UQCC2: variants seen among roughly 807,000 people sequenced by gnomAD.
UQCC2 encodes ubiquinol-cytochrome c reductase complex assembly factor 2, also known as breast cancer-associated protein SGA-81M.
Under a neutral mutation model 19.9 loss-of-function variants are expected in UQCC2, and 21 were observed. The observed-to-expected ratio is 1.05, with a 90% CI of 0.75 to 1.52. UQCC2 has a LOEUF of 1.52. Among genes scored for constraint, UQCC2 ranks in the 40% most tolerant of loss-of-function variants. The pLI is 0.00. For synonymous variants in UQCC2, 57 were observed against 60.9 expected, an observed-to-expected ratio of 0.94 and a Z score of 0.30; for missense variants, 135 against 157.5, an observed-to-expected ratio of 0.86 and a Z score of 0.76.
intron 3 of UQCC2, among the ~76,000 whole-genome samples, chr6:33,699,543 T>TA (rs565478908): frequency 1.8e-3 from 270 of 152,138 alleles, no homozygotes; most frequent in Non-Finnish European, 2.6e-3. Context: ...ATTTACACAT[T>TA]AAAAAAAATT....
At chr6:33,705,357 GAA>G (rs1765688312) in intron 1 of UQCC2, among the ~76,000 whole-genome samples, 1 of 152,154 alleles carries the variant, frequency 6.6e-6, no homozygotes, top group Non-Finnish European at 1.5e-5. Flanking sequence ...CTTCCTGTGT[GAA>G]AGAGACAGTC....
At chr6:33,709,030 G>A (rs1432988935) in intron 1 of UQCC2, among the ~76,000 whole-genome samples, 3 of 152,220 alleles carry the variant, frequency 2.0e-5, no homozygotes, top group African/African-American at 7.2e-5. Context: ...GTGGGCCTTT[G>A]ACTGATCAGA....
At chr6:33,711,049 A>G (rs1038884174) in intron 1 of UQCC2, among the ~76,000 whole-genome samples, 2 of 152,242 alleles carry the variant, frequency 1.3e-5, no homozygotes, top group Non-Finnish European at 2.9e-5. Flanking sequence ...ACAAGGAAGC[A>G]AAAAGCTGAG....
chr6:33,707,846 C>T (rs1297551384), intron 1 of UQCC2, among the ~76,000 whole-genome samples: 4 of 152,210 alleles, frequency 2.6e-5, no homozygotes, highest in African/African-American at 4.8e-5. Context: ...AAACTGTATT[C>T]AAAATTGGCA....
chr6:33,711,516 T>C (rs939649694), intron 1 of UQCC2, 33 bp downstream of exon 1: 1 of 1,572,898 alleles, frequency 6.4e-7, no homozygotes, highest in Non-Finnish European at 8.6e-7. Context: ...CGTCCTTTCC[T>C]CCCCTCGTCC....
rs1765577850 is a variant in UQCC2, at chr6:33,697,529, C to G, written c.*124G>C. On this transcript the variant is annotated 3_prime_UTR_variant, in exon 4 of 4. Coordinates refer to ENST00000607484, the MANE Select transcript of UQCC2 (RefSeq NM_032340.4). ...CTTTCTTTAGAGCAGCAAGGGCTTC[C>G]TTTCTGGGAAAGCTAGAGGAGATTC... The G allele has an allele frequency of 2.9e-6, 2 of 701,484 alleles. No individual in the cohort carries two copies. Among genetic ancestry groups the G allele is most frequent in the Admixed American group, 3.1e-5 (1 of 32,586 alleles). 43.5% of individuals were successfully genotyped at this position (701,484 alleles called of 1,614,324 possible). A position where few individuals can be genotyped will look rare whatever the true frequency, so the allele number is the denominator to read the frequency against.
At chr6:33,707,637 C>T (rs114229451) in intron 1 of UQCC2, among the ~76,000 whole-genome samples, 1,805 of 152,310 alleles carry the variant, frequency 0.012, 36 homozygotes, top group South Asian at 0.035. Context: ...GGACGCCCCT[C>T]GGAGTTGCAC....
At chr6:33,701,537 A>G (rs1036070390) in intron 1 of UQCC2, 117 bp from the exon 2 acceptor site, 28 of 954,078 alleles carry the variant, frequency 2.9e-5, no homozygotes, top group East Asian at 8.2e-5. Context: ...GCCTGCAGCT[A>G]GCACTGGCTT....
Position 33,697,566 on chromosome 6 carries a change from G to T in UQCC2, c.*87C>A. On this transcript the variant is annotated 3_prime_UTR_variant, in exon 4 of 4. Coordinates refer to ENST00000607484, the MANE Select transcript of UQCC2 (RefSeq NM_032340.4). ...GCTAGAGGAGATTCCCAAACCGTAA[G>T]GTCAAGGGGAAACTGGGGCAGTTTT... The T allele has an allele frequency of 9.8e-7, 1 of 1,015,924 alleles. No homozygotes were observed. The highest frequency in any genetic ancestry group is 1.5e-6 in the Non-Finnish European group (1 of 687,876). The allele number at this position is 1,015,924 out of a possible 1,614,324, so 62.9% of individuals were successfully genotyped here. A position where few individuals can be genotyped will look rare whatever the true frequency, so the allele number is the denominator to read the frequency against.
At chr6:33,700,080 T>C (rs572708) in intron 3 of UQCC2, among the ~76,000 whole-genome samples, 123,328 of 152,196 alleles carry the variant, frequency 0.81, 51,266 homozygotes, top group East Asian at 0.99. Flanking sequence ...TATTGAATGG[T>C]TTTTTGTTTT....
chr6:33,697,406 C>G lies in UQCC2; in HGVS notation c.*247G>C. ...CGAGGCCCCATTACCCTCATCAGGCCCAGAGGGAAACCTGCATTTCCTCTC... is the reference window on the plus strand; with the variant it reads ...CGAGGCCCCATTACCCTCATCAGGCGCAGAGGGAAACCTGCATTTCCTCTC... On this transcript the variant is annotated 3_prime_UTR_variant, in exon 4 of 4. Coordinates refer to ENST00000607484, the MANE Select transcript of UQCC2 (RefSeq NM_032340.4). 2.3e-6 allele frequency: 1 copy of G among 433,692 alleles called. No individual in the cohort carries two copies. Among genetic ancestry groups the G allele is most frequent in the Non-Finnish European group, 4.1e-6 (1 of 246,566 alleles). 26.9% of individuals were successfully genotyped at this position (433,692 alleles called of 1,614,324 possible).
intron 3 of UQCC2, chr6:33,698,066 T>C: frequency 3.3e-6 from 1 of 299,656 alleles, no homozygotes; most frequent in East Asian, 7.2e-5. Context: ...GAAATGGCCC[T>C]GCGCTGTCCG....
Position 33,701,833 on chromosome 6 carries a change from C to T in UQCC2, c.139-413G>A, listed in dbSNP as rs185802266. On this transcript the variant is annotated intron_variant, in intron 1 of 3. Coordinates refer to ENST00000607484, the MANE Select transcript of UQCC2 (RefSeq NM_032340.4). Reference sequence around the variant, plus strand: ...GGGAGTCCCCGCATGCTCAAGTGGTCAGTGCATGATGGAAGTGAGACAATG... The same window carrying T: ...GGGAGTCCCCGCATGCTCAAGTGGTTAGTGCATGATGGAAGTGAGACAATG... Among the ~76,000 whole-genome samples the T allele has an allele frequency of 2.0e-3, 310 of 151,682 alleles. 2 individuals carry two copies. The highest frequency in any genetic ancestry group is 0.014 in the Middle Eastern group (4 of 294).
intron 1 of UQCC2, among the ~76,000 whole-genome samples, chr6:33,710,604 C>T (rs981518299): frequency 6.6e-6 from 1 of 152,228 alleles, no homozygotes; most frequent in African/African-American, 2.4e-5. Flanking sequence ...GTGTCATCTC[C>T]TCAGAAAGGC....
In UQCC2 at chr6:33,711,674, G is replaced by T. The variant is rs764465185; in HGVS notation, c.13C>A (p.Arg5=). 7.5e-6 allele frequency: 12 copies of T among 1,609,994 alleles called. No homozygotes were observed. In the Admixed American group the frequency reaches 1.4e-4, roughly 18 times the overall value. Residue 5 remains arginine, a synonymous_variant, in exon 1 of 4, where the codon CGG becomes AGG. Coordinates refer to ENST00000607484, the MANE Select transcript of UQCC2 (RefSeq NM_032340.4). MAAS[R]YRRFLKLCEE... ...CAGAGCTTAAGAAAACGCCGGTACCGGCTGGCCGCCATCTTGGGCCCCGCG... is the reference window on the plus strand; with the variant it reads ...CAGAGCTTAAGAAAACGCCGGTACCTGCTGGCCGCCATCTTGGGCCCCGCG...
At chr6:33,705,117 C>T (rs1271109587) in intron 1 of UQCC2, among the ~76,000 whole-genome samples, 6 of 151,762 alleles carry the variant, frequency 4.0e-5, no homozygotes, top group Admixed American at 6.6e-5. Flanking sequence ...CTGCAAGCTC[C>T]GCCTCCCGGG....
Position 33,711,035 on chromosome 6 carries a change from C to T in UQCC2, c.138+514G>A, listed in dbSNP as rs555758658. ...CTGCGAAATAATGAGGTAATGCTACCGTGACAAGGAAGCAAAAAGCTGAGG... is the reference window on the plus strand; with the variant it reads ...CTGCGAAATAATGAGGTAATGCTACTGTGACAAGGAAGCAAAAAGCTGAGG... On this transcript the variant is annotated intron_variant, in intron 1 of 3. Transcript: ENST00000607484. Among the ~76,000 whole-genome samples, 4 of 152,288 alleles carry T rather than the reference C, an allele frequency of 2.6e-5. No individual in the cohort carries two copies. The South Asian group carries it at 6.2e-4, about 24-fold the overall frequency.
chr6:33,700,517 G>A lies in UQCC2; in HGVS notation c.214-4C>T, dbSNP rs758657340. On this transcript the variant is annotated splice_region_variant and splice_polypyrimidine_tract_variant and intron_variant, in intron 2 of 3. Coordinates refer to ENST00000607484, the MANE Select transcript of UQCC2 (RefSeq NM_032340.4). ...TGGTGTCTCTGGGGCGAGGGTACTG[G>A]TCACCGGGGCAGAAAGGAAGTGAAG... The A allele has an allele frequency of 5.0e-6, 8 of 1,614,116 alleles. No individual in the cohort carries two copies. In the South Asian group the frequency reaches 8.8e-5, roughly 18 times the overall value.
At chr6:33,708,729 T>C (rs542447358) in intron 1 of UQCC2, among the ~76,000 whole-genome samples, 56 of 152,340 alleles carry the variant, frequency 3.7e-4, no homozygotes, top group African/African-American at 1.2e-3. Flanking sequence ...ACCAGAATCA[T>C]CTTGCTTTCT....
Sources: allele counts gnomAD v4.1 joint callset (sites outside exome capture counted in the v4.1 genomes callset), GRCh38; gene constraint gnomAD v4.1.1; transcripts MANE v1.5; gene names NCBI Gene and HGNC (gene_info 2026-07-23, HGNC 2026-07-21).